The following FRMD4A variants were observed in gnomAD, a reference collection of about 807,000 sequenced individuals.
The protein encoded by FRMD4A is FERM domain-containing protein 4A.
FRMD4A carries 29 observed loss-of-function variants against 129.1 expected under a neutral mutation model. That is an observed-to-expected ratio of 0.22 (90% CI 0.17 to 0.31). The LOEUF is 0.31. Ranked by LOEUF, FRMD4A falls within the 10% of genes least tolerant of loss-of-function variation. The pLI is 1.00. For synonymous variants in FRMD4A, 634 were observed against 571.6 expected (o/e 1.11, Z -1.56); for missense variants, 1,272 against 1,375.8 (o/e 0.92, Z 1.19).
chr10:14,046,507 C>CA (rs1224918827), intron 2 of FRMD4A, among the ~76,000 whole-genome samples: 3 of 152,140 alleles, frequency 2.0e-5, no homozygotes, highest in Non-Finnish European at 2.9e-5. Flanking sequence ...CAACTGAGCC[C>CA]AAAATGCCTA....
At chr10:13,789,712 A>G (rs1881584) in intron 5 of FRMD4A, among the ~76,000 whole-genome samples, 48,870 of 149,684 alleles carry the variant, frequency 0.33, 8,288 homozygotes, top group East Asian at 0.52. Flanking sequence ...GCACTAAACA[A>G]TGGTTTGCAG....
At chr10:13,823,837 G>A (rs554237687) in intron 3 of FRMD4A, among the ~76,000 whole-genome samples, 8 of 152,160 alleles carry the variant, frequency 5.3e-5, no homozygotes, top group African/African-American at 1.2e-4. Flanking sequence ...CCATTTGCTC[G>A]ATGTTCAAGG....
At chr10:14,043,951 T>C (rs192579583) in intron 2 of FRMD4A, among the ~76,000 whole-genome samples, 2 of 152,314 alleles carry the variant, frequency 1.3e-5, no homozygotes, top group East Asian at 1.9e-4. Flanking sequence ...TTCATTCTCC[T>C]GAATAGCTGG....
chr10:14,017,800 A>C (rs2095703932), intron 2 of FRMD4A, among the ~76,000 whole-genome samples: 1 of 152,146 alleles, frequency 6.6e-6, no homozygotes, highest in South Asian at 2.1e-4. Flanking sequence ...ATTTTCCCAA[A>C]GTGAGGAAGG....
chr10:13,901,939 A>C (rs904184029), intron 2 of FRMD4A, among the ~76,000 whole-genome samples: 6 of 152,200 alleles, frequency 3.9e-5, no homozygotes, highest in African/African-American at 1.2e-4. Flanking sequence ...TCTGTTAATA[A>C]ATAATAATAT....
At chr10:14,198,372 C>T (rs936554975) in intron 2 of FRMD4A, among the ~76,000 whole-genome samples, 4 of 152,140 alleles carry the variant, frequency 2.6e-5, no homozygotes, top group Non-Finnish European at 5.9e-5. Context: ...TACTAGGCAG[C>T]GGCACATGGT....
intron 2 of FRMD4A, among the ~76,000 whole-genome samples, chr10:14,226,070 G>T (rs1843424724): frequency 6.6e-6 from 1 of 152,064 alleles, no homozygotes; most frequent in South Asian, 2.1e-4. Flanking sequence ...CAACATCAAA[G>T]TTACAGTAAC....
intron 2 of FRMD4A, among the ~76,000 whole-genome samples, chr10:14,276,663 C>T (rs1589255569): frequency 6.6e-6 from 1 of 152,124 alleles, no homozygotes; most frequent in East Asian, 1.9e-4. Context: ...GCCCCACAGC[C>T]AGAAGGAAAC....
At chr10:14,121,284 C>T (rs1320787539) in intron 2 of FRMD4A, among the ~76,000 whole-genome samples, 2 of 152,192 alleles carry the variant, frequency 1.3e-5, no homozygotes, top group Non-Finnish European at 2.9e-5. Flanking sequence ...AGGAGAATTG[C>T]CTGAACCTGG....
At chr10:13,938,663 G>A (rs11258734) in intron 2 of FRMD4A, among the ~76,000 whole-genome samples, 14,683 of 152,246 alleles carry the variant, frequency 0.096, 791 homozygotes, top group Middle Eastern at 0.18. Flanking sequence ...GGCACAGAAG[G>A]GTTAACAGTG....
At chr10:13,789,016 A>G (rs1282521157) in intron 5 of FRMD4A, among the ~76,000 whole-genome samples, 1 of 152,180 alleles carries the variant, frequency 6.6e-6, no homozygotes, top group Non-Finnish European at 1.5e-5. Context: ...TGTTAATTAA[A>G]TGGACCAGTG....
chr10:13,990,477 G>A (rs929784398), intron 2 of FRMD4A, among the ~76,000 whole-genome samples: 1 of 152,204 alleles, frequency 6.6e-6, no homozygotes, highest in Non-Finnish European at 1.5e-5. Context: ...TGTGGAGCAT[G>A]TCTGGGAGTG....
At chr10:14,126,987 G>A (rs537627896) in intron 2 of FRMD4A, among the ~76,000 whole-genome samples, 18 of 152,328 alleles carry the variant, frequency 1.2e-4, no homozygotes, top group Non-Finnish European at 2.4e-4. Context: ...ACAACAGTGA[G>A]CAAGAATGCA....
chr10:13,810,536 A>T (rs1039583206), intron 4 of FRMD4A, among the ~76,000 whole-genome samples: 1 of 152,254 alleles, frequency 6.6e-6, no homozygotes, highest in Non-Finnish European at 1.5e-5. Context: ...TCCACTTAAA[A>T]AAAAATAAAC....
chr10:13,756,997 C>G (rs1474535359), intron 8 of FRMD4A, among the ~76,000 whole-genome samples: 1 of 152,148 alleles, frequency 6.6e-6, no homozygotes, highest in Non-Finnish European at 1.5e-5. Context: ...TTTAAAAAAG[C>G]TTTGAAACAG....
chr10:14,174,810 G>C (rs1422108251), intron 2 of FRMD4A, among the ~76,000 whole-genome samples: 1 of 151,312 alleles, frequency 6.6e-6, no homozygotes, highest in Non-Finnish European at 1.5e-5. Context: ...TTTAGAGAAA[G>C]TTTCAAAAAC....
At chr10:13,673,048 T>G (rs1462388308) in intron 16 of FRMD4A, among the ~76,000 whole-genome samples, 1 of 152,202 alleles carries the variant, frequency 6.6e-6, no homozygotes, top group East Asian at 1.9e-4. Flanking sequence ...CATCTTGCCC[T>G]GACATGTTCC....
intron 12 of FRMD4A, chr10:13,727,895 T>G (rs1588450048): frequency 6.7e-6 from 1 of 149,208 alleles, no homozygotes. Flanking sequence ...AATTTAGTGC[T>G]CGAACACTAT....
rs1448958073 is a variant in FRMD4A at position 13,646,473 on chromosome 10, T to A, written c.*565A>T. 2 of 152,326 alleles carry A rather than the reference T, an allele frequency of 1.3e-5. No individual in the cohort carries two copies. Among genetic ancestry groups the A allele is most frequent in the African/African-American group, 4.8e-5 (2 of 41,450 alleles). The allele number at this position is 152,326 out of a possible 1,614,324, so 9.4% of individuals were successfully genotyped here. A position where few individuals can be genotyped will look rare whatever the true frequency, so the allele number is the denominator to read the frequency against. On this transcript the variant is annotated 3_prime_UTR_variant, in exon 25 of 25. Transcript: ENST00000357447. Reference sequence around the variant, plus strand: ...AGGAATATTTCAGGTGTAAACTGAATATGCCACGAGGCCTCCTCTTCATGA... The same window carrying A: ...AGGAATATTTCAGGTGTAAACTGAAAATGCCACGAGGCCTCCTCTTCATGA...
Sources: gnomAD v4.1 joint callset for allele counts (sites outside exome capture counted in the v4.1 genomes callset) on GRCh38, gnomAD v4.1.1 for gene constraint, MANE v1.5 for transcripts, NCBI Gene and HGNC (gene_info 2026-07-23, HGNC 2026-07-21) for gene names.